Variants in CIDEA observed in about 807,000 individuals in gnomAD.
The protein encoded by CIDEA is lipid transferase CIDEA.
CIDEA carries 10 observed loss-of-function variants against 18.2 expected under a neutral mutation model. The observed-to-expected ratio is 0.55, with a 90% CI of 0.34 to 0.93. The LOEUF is 0.93. Among genes scored for constraint, CIDEA ranks in the 40% least tolerant of loss-of-function variants. The pLI is 0.02. For missense variants in CIDEA, 309 were observed against 293.1 expected (o/e 1.05, Z -0.40); for synonymous variants, 128 against 124.8 (o/e 1.03, Z -0.17).
In CIDEA at chr18:12,262,968, AGGT is replaced by A; in HGVS notation, c.183+1_183+3del. On this transcript the variant is annotated splice_donor_variant and coding_sequence_variant, in exon 2 of 5. Coordinates refer to ENST00000320477, the MANE Select transcript of CIDEA (RefSeq NM_001279.4). LOFTEE classifies it high-confidence loss of function. ...AGCAGCCTGCAGGAGCTCATCAGCA[AGGT>A]GCCCCACATCCCGCACCTCTCCCCC... is the stretch of plus-strand genomic sequence containing the variant. The A allele has an allele frequency of 6.2e-7, 1 of 1,614,038 alleles. No individual in the cohort carries two copies. The highest frequency in any genetic ancestry group is 8.5e-7 in the Non-Finnish European group (1 of 1,179,996).
intron 1 of CIDEA, among the ~76,000 whole-genome samples, chr18:12,260,038 TGGTGA>T: frequency 6.6e-6 from 1 of 152,308 alleles, no homozygotes; most frequent in African/African-American, 2.4e-5. Context: ...GACACTTTGT[TGGTGA>T]GGCACCTGGA....
chr18:12,276,855 T>C (rs545348360), intron 4 of CIDEA, among the ~76,000 whole-genome samples: 2 of 152,264 alleles, frequency 1.3e-5, no homozygotes, highest in East Asian at 3.9e-4. Flanking sequence ...ATGGGAGCCG[T>C]GCTTCTTGCG....
chr18:12,271,230 A>G (rs1280127909), intron 3 of CIDEA, among the ~76,000 whole-genome samples: 4 of 144,468 alleles, frequency 2.8e-5, no homozygotes, highest in Non-Finnish European at 4.6e-5. Context: ...CAGCCGTGGC[A>G]GATGGGATTA....
chr18:12,264,328 G>C lies in CIDEA; in HGVS notation c.205G>C (p.Ala69Pro), dbSNP rs144505898. 1.9e-6 allele frequency: 3 copies of C among 1,608,360 alleles called. No homozygotes were observed. The highest frequency in any genetic ancestry group is 1.1e-5 in the South Asian group (1 of 89,816). Residue 69 changes from alanine to proline, a missense_variant, in exon 3 of 5, where the codon GCT (alanine) becomes CCT (proline). Transcript: ENST00000320477. ...CTAGACTCTGGATGCCCTCGTCATC[G>C]CTACCGGACTGGTCACTCTGGTGCT... ...ISKTLDALVI[A>P]TGLVTLVLEE...
chr18:12,257,358 C>T (rs1912066686), intron 1 of CIDEA, among the ~76,000 whole-genome samples: 1 of 152,166 alleles, frequency 6.6e-6, no homozygotes, highest in Admixed American at 6.5e-5. Flanking sequence ...TACTGCTGCC[C>T]CCTCACCCAT....
At chr18:12,262,778 C>T in intron 1 of CIDEA, 47 bp from the exon 2 acceptor site, 1 of 1,567,120 alleles carries the variant, frequency 6.4e-7, no homozygotes, top group Non-Finnish European at 8.8e-7. Flanking sequence ...CACACTTCTT[C>T]TGACAGACTC....
chr18:12,277,141 G>T lies in CIDEA; in HGVS notation c.531G>T (p.Leu177=). The change falls in exon 5 of 5, where the codon CTG becomes CTT. Residue 177 remains leucine, a synonymous_variant. Transcript: ENST00000320477. The part of the protein sequence containing the change: ...KGLLRSLLRF[L]SYSAQVTGQF... ...GCCACAGGAGTCTGCTGCGGTTCCT[G>T]TCCTACTCCGCCCAGGTGACGGGAC... 6.2e-7 allele frequency: 1 copy of T among 1,614,172 alleles called. No individual in the cohort carries two copies. The highest frequency in any genetic ancestry group is 1.3e-5 in the African/African-American group (1 of 75,024).
intron 3 of CIDEA, among the ~76,000 whole-genome samples, chr18:12,269,610 C>T (rs1912455941): frequency 6.6e-6 from 1 of 152,202 alleles, no homozygotes; most frequent in Admixed American, 6.5e-5. Flanking sequence ...CTGAGTTATG[C>T]AGGTTTTCCA....
rs72867673 is a variant in CIDEA, at chr18:12,259,252, C to G, written c.39-3573C>G. Among the ~76,000 whole-genome samples, 562 of 152,338 alleles carry G rather than the reference C, an allele frequency of 3.7e-3. 2 individuals carry two copies. The highest frequency in any genetic ancestry group is 7.0e-3 in the Non-Finnish European group (473 of 68,042). The stretch of plus-strand genomic sequence containing the variant: ...AAAACAAACTGTGTAGCAACTTTGT[C>G]TACCCAGAAGGGAAAGGCGTTGAGG... On this transcript the variant is annotated intron_variant, in intron 1 of 4. Coordinates refer to ENST00000320477, the MANE Select transcript of CIDEA (RefSeq NM_001279.4).
chr18:12,276,047 G>A (rs1905323553), intron 4 of CIDEA, among the ~76,000 whole-genome samples: 1 of 148,596 alleles, frequency 6.7e-6, no homozygotes, highest in African/African-American at 2.5e-5. Flanking sequence ...AGGCTGGAGG[G>A]CAGGGGCACG....
At chr18:12,275,798 T>C (rs990321197) in intron 4 of CIDEA, among the ~76,000 whole-genome samples, 4 of 152,048 alleles carry the variant, frequency 2.6e-5, no homozygotes, top group South Asian at 2.1e-4. Flanking sequence ...GTCACTGTCA[T>C]AGTGTTGGAG....
At chr18:12,270,899 T>TTC (rs1362746648) in intron 3 of CIDEA, among the ~76,000 whole-genome samples, 3 of 131,948 alleles carry the variant, frequency 2.3e-5, no homozygotes, top group Non-Finnish European at 4.8e-5. Flanking sequence ...CTTTTCTTTT[T>TTC]TTTTTTTTTT....
rs1598782906 is a variant in CIDEA at position 12,274,041 on chromosome 18, G to A, written c.331-52G>A. ...GCTGGCATAAGAGCAGAGTGATGAC[G>A]TGGGAGGGTTAGGAAGGCTCCTGAA... On this transcript the variant is annotated intron_variant, in intron 3 of 4. Transcript: ENST00000320477. 6.9e-6 allele frequency: 11 copies of A among 1,591,980 alleles called. No homozygotes were observed. The East Asian group carries it at 9.0e-5, about 13-fold the overall frequency.
chr18:12,270,919 A>C (rs1487398441), intron 3 of CIDEA, among the ~76,000 whole-genome samples: 1 of 18,936 alleles, frequency 5.3e-5, no homozygotes, highest in African/African-American at 1.9e-4. Flanking sequence ...TTTTTTTTTG[A>C]GACAGTTTTG....
intron 1 of CIDEA, among the ~76,000 whole-genome samples, chr18:12,260,193 TTGTTTGTTTG>T (rs1301277060): frequency 1.4e-5 from 2 of 145,594 alleles, no homozygotes; most frequent in African/African-American, 5.6e-5. Context: ...GTTTGTTTGT[TTGTTTGTTTG>T]TTTGTTTGTT....
intron 2 of CIDEA, 125 bp downstream of exon 2, chr18:12,263,094 G>A (rs1435080040): frequency 4.3e-6 from 4 of 931,954 alleles, no homozygotes; most frequent in African/African-American, 1.7e-5. Context: ...TCTCACTGGG[G>A]GGAAACGGGG....
rs563959274 is a variant in CIDEA, at chr18:12,273,566, C to T, written c.331-527C>T. Among the ~76,000 whole-genome samples, 3 of 152,328 alleles carry T rather than the reference C, an allele frequency of 2.0e-5. No individual in the cohort carries two copies. The South Asian group carries it at 6.2e-4, about 32-fold the overall frequency. On this transcript the variant is annotated intron_variant, in intron 3 of 4. Coordinates refer to ENST00000320477, the MANE Select transcript of CIDEA (RefSeq NM_001279.4). ...TGGGCTTCCCCATGGAGTCCGCTCT[C>T]AACCCTGGGGGGTTATTAAAACACA...
chr18:12,267,785 A>G (rs1273751191), intron 3 of CIDEA, among the ~76,000 whole-genome samples: 2 of 151,750 alleles, frequency 1.3e-5, no homozygotes, highest in Admixed American at 1.3e-4. Context: ...ATGAGCCACC[A>G]CACCCGGCTT....
chr18:12,254,682 T>C (rs1239727466), intron 1 of CIDEA: 1 of 1,517,768 alleles, frequency 6.6e-7, no homozygotes, highest in Admixed American at 2.0e-5. Flanking sequence ...GTACCAGGTG[T>C]GGCTCTTGCG....
Sources: allele counts gnomAD v4.1 joint callset (sites outside exome capture counted in the v4.1 genomes callset), GRCh38; gene constraint gnomAD v4.1.1; transcripts MANE v1.5; gene names NCBI Gene and HGNC (gene_info 2026-07-23, HGNC 2026-07-21).